RGS7: variants seen among roughly 807,000 people sequenced by gnomAD.
The protein encoded by RGS7 is regulator of G-protein signaling 7.
RGS7 carries 27 observed loss-of-function variants against 81.1 expected under a neutral mutation model. The observed-to-expected ratio is 0.33, with a 90% CI of 0.25 to 0.46. The LOEUF (loss-of-function observed/expected upper bound fraction) is 0.46, where lower values mean the gene tolerates loss of function less well. Ranked by LOEUF, RGS7 falls within the 20% of genes least tolerant of loss-of-function variation. The probability of loss-of-function intolerance (pLI) is 1.00; values close to 1 mark genes in which losing one functional copy is unlikely to be tolerated. For missense variants in RGS7, 396 were observed against 607.4 expected (o/e 0.65, Z 3.66); for synonymous variants, 208 against 207.7 (o/e 1.00, Z -0.01).
intron 9 of RGS7, among the ~76,000 whole-genome samples, chr1:240,866,490 A>G (rs945775536): frequency 9.2e-5 from 14 of 151,392 alleles, no homozygotes; most frequent in South Asian, 2.1e-4. Flanking sequence ...CAGCCTGGGC[A>G]ACAGAGCGAG....
intron 5 of RGS7, among the ~76,000 whole-genome samples, chr1:240,933,174 G>T (rs191874297): frequency 2.6e-5 from 4 of 151,698 alleles, no homozygotes; most frequent in Non-Finnish European, 5.9e-5. Context: ...GAGCCACCGC[G>T]CCCGGCCGGT....
intron 5 of RGS7, among the ~76,000 whole-genome samples, chr1:240,931,991 C>A (rs936360568): frequency 6.6e-6 from 1 of 152,148 alleles, no homozygotes; most frequent in African/African-American, 2.4e-5. Flanking sequence ...AATATCAGTA[C>A]TGTGGGCTTA....
intron 2 of RGS7, among the ~76,000 whole-genome samples, chr1:241,174,011 T>C (rs1031236349): frequency 1.3e-5 from 2 of 152,200 alleles, no homozygotes; most frequent in Middle Eastern, 3.2e-3. Context: ...CTAACACTCA[T>C]GATATACAGA....
chr1:240,933,148 C>T (rs2148359259), intron 5 of RGS7, among the ~76,000 whole-genome samples: 1 of 151,750 alleles, frequency 6.6e-6, no homozygotes, highest in Admixed American at 6.6e-5. Context: ...CCACAAAGTG[C>T]TGGGATTACA....
chr1:241,294,640 G>A (rs939298249), intron 2 of RGS7, among the ~76,000 whole-genome samples: 3 of 152,148 alleles, frequency 2.0e-5, no homozygotes, highest in African/African-American at 7.2e-5. Flanking sequence ...CTCACCCAGA[G>A]CAACTCCCAG....
intron 2 of RGS7, among the ~76,000 whole-genome samples, chr1:241,250,412 A>C (rs1227495148): frequency 6.6e-6 from 1 of 152,112 alleles, no homozygotes; most frequent in Non-Finnish European, 1.5e-5. Flanking sequence ...ACTGCAAAAC[A>C]GCATCCTGAA....
At chr1:240,937,953 C>T (rs1676922438) in intron 4 of RGS7, among the ~76,000 whole-genome samples, 1 of 152,186 alleles carries the variant, frequency 6.6e-6, no homozygotes, top group South Asian at 2.1e-4. Context: ...TAGCTGCCAA[C>T]AATTTCTTCC....
chr1:241,095,195 C>T (rs1414134442), intron 3 of RGS7, among the ~76,000 whole-genome samples: 1 of 152,158 alleles, frequency 6.6e-6, no homozygotes, highest in Non-Finnish European at 1.5e-5. Context: ...TGCCCAGCTT[C>T]TCTGGGTGCA....
chr1:240,844,981 C>A (rs1323263673), intron 9 of RGS7, among the ~76,000 whole-genome samples: 4 of 151,978 alleles, frequency 2.6e-5, no homozygotes, highest in African/African-American at 9.7e-5. Context: ...ACTGACAATG[C>A]CAAAGATTAA....
chr1:241,144,561 T>A lies in RGS7; in HGVS notation c.79-45799A>T, dbSNP rs1037021693. 6.6e-6 allele frequency among the ~76,000 whole-genome samples: 1 copy of A among 152,194 alleles called. No homozygotes were observed. The highest frequency in any genetic ancestry group is 2.4e-5 in the African/African-American group (1 of 41,448). ...GGTGTTAACCTGCTGTGTGACTGCT[T>A]TCAAAGAGCCAGCACTCCTCAGCAG... is the stretch of plus-strand genomic sequence containing the variant. On this transcript the variant is annotated intron_variant, in intron 2 of 18. Transcript: ENST00000440928. This position sits in a 1 kb window ranked among gnomAD's most constrained non-coding sequence, Gnocchi z 4.7.
intron 18 of RGS7, among the ~76,000 whole-genome samples, chr1:240,799,287 T>TTGTGTGTG (rs71678488): frequency 4.9e-5 from 7 of 142,420 alleles, no homozygotes; most frequent in African/African-American, 1.8e-4. Flanking sequence ...GTGTCTATGT[T>TTGTGTGTG]TGTGTGTGTG....
At chr1:241,012,236 C>A (rs1336835254) in intron 3 of RGS7, among the ~76,000 whole-genome samples, 1 of 152,132 alleles carries the variant, frequency 6.6e-6, no homozygotes, top group Non-Finnish European at 1.5e-5. Flanking sequence ...CACGCAGATA[C>A]ACAATAGGAC....
intron 2 of RGS7, among the ~76,000 whole-genome samples, chr1:241,282,633 C>T (rs1186812750): frequency 4.6e-5 from 7 of 152,128 alleles, no homozygotes; most frequent in Non-Finnish European, 1.0e-4. Flanking sequence ...GACATAGTTG[C>T]CTTGTTCCCA....
intron 2 of RGS7, among the ~76,000 whole-genome samples, chr1:241,122,570 G>A (rs1259125048): frequency 6.6e-6 from 1 of 151,488 alleles, no homozygotes; most frequent in Admixed American, 6.6e-5. Flanking sequence ...GCTGACGCAG[G>A]AGAATCACTT....
chr1:240,980,551 TA>T (rs1338503268), intron 4 of RGS7, among the ~76,000 whole-genome samples: 2 of 152,188 alleles, frequency 1.3e-5, no homozygotes, highest in African/African-American at 2.4e-5. Context: ...CTTGGCATTA[TA>T]ACCACTTAGT....
chr1:241,291,491 A>G (rs958653335), intron 2 of RGS7, among the ~76,000 whole-genome samples: 1 of 149,986 alleles, frequency 6.7e-6, no homozygotes, highest in Non-Finnish European at 1.5e-5. Flanking sequence ...CTATTAATAT[A>G]AAATGGGGCA....
At chr1:240,971,042 C>A (rs7532910) in intron 4 of RGS7, among the ~76,000 whole-genome samples, 129,424 of 152,176 alleles carry the variant, frequency 0.85, 55,560 homozygotes, top group East Asian at 1. Flanking sequence ...ATTTTGGTGG[C>A]TCTGCTGTAG....
intron 2 of RGS7, among the ~76,000 whole-genome samples, chr1:241,135,194 A>G (rs907427283): frequency 6.6e-6 from 1 of 152,192 alleles, no homozygotes; most frequent in East Asian, 1.9e-4. Context: ...TGGGAAGCCA[A>G]GACGGGCAGA....
At chr1:240,890,751 G>C (rs1366914200) in intron 6 of RGS7, among the ~76,000 whole-genome samples, 1 of 152,200 alleles carries the variant, frequency 6.6e-6, no homozygotes, top group Non-Finnish European at 1.5e-5. Flanking sequence ...GAGGCACAGA[G>C]AGTTTACAGG....
Sources: gnomAD v4.1 joint callset for allele counts (sites outside exome capture counted in the v4.1 genomes callset) on GRCh38, gnomAD v4.1.1 for gene constraint, Gnocchi (gnomAD v3.1) non-coding constraint, MANE v1.5 for transcripts, NCBI Gene and HGNC (gene_info 2026-07-23, HGNC 2026-07-21) for gene names.